Variants in ALPK1 observed in about 807,000 individuals in gnomAD.
ALPK1 encodes alpha-protein kinase 1.
ALPK1 carries 110 observed loss-of-function variants against 120.6 expected under a neutral mutation model. The ratio of observed to expected loss-of-function variants is 0.91; its 90% CI spans 0.78 to 1.07. ALPK1 has a LOEUF of 1.07. Among genes scored for constraint, ALPK1 ranks in the 50% least tolerant of loss-of-function variants. The pLI is 0.00. For missense variants in ALPK1, 1,498 were observed against 1,483.9 expected, an observed-to-expected ratio of 1.01 and a Z score of -0.16; for synonymous variants, 582 against 560.3, an observed-to-expected ratio of 1.04 and a Z score of -0.55.
At chr4:112,313,695 C>G (rs1321545311) in intron 1 of ALPK1, among the ~76,000 whole-genome samples, 4 of 152,232 alleles carry the variant, frequency 2.6e-5, no homozygotes, top group Non-Finnish European at 5.9e-5. Context: ...TGCACTCCAG[C>G]CTGGGTGACA....
Position 112,411,969 on chromosome 4 carries a change from C to G in ALPK1, c.419C>G (p.Ala140Gly). 1 of 1,614,184 alleles carries G rather than the reference C, an allele frequency of 6.2e-7. No homozygotes were observed. The highest frequency in any genetic ancestry group is 8.5e-7 in the Non-Finnish European group (1 of 1,180,026). ...VAKGLHKLQP[A>G]TPIAPQVVIR... Reference sequence around the variant, plus strand: ...AAAGGTCTCCACAAGTTGCAGCCAGCCACGCCAATTGCCCCGCAGGTGGTT... The same window carrying G: ...AAAGGTCTCCACAAGTTGCAGCCAGGCACGCCAATTGCCCCGCAGGTGGTT... The change falls in exon 5 of 16, where the codon GCC becomes GGC. Residue 140 changes from alanine to glycine, a missense_variant. Transcript: ENST00000650871.
At chr4:112,347,538 A>T (rs1173167269) in intron 2 of ALPK1, among the ~76,000 whole-genome samples, 5 of 152,248 alleles carry the variant, frequency 3.3e-5, no homozygotes, top group Non-Finnish European at 7.3e-5. Context: ...CCTAAATTTA[A>T]GTAAACTCAT....
chr4:112,330,787 G>C (rs907179553), intron 2 of ALPK1, among the ~76,000 whole-genome samples: 1 of 152,150 alleles, frequency 6.6e-6, no homozygotes, highest in Non-Finnish European at 1.5e-5. Flanking sequence ...TGGTATGACC[G>C]ATCGATGAAT....
intron 2 of ALPK1, among the ~76,000 whole-genome samples, chr4:112,363,206 A>C (rs1023192098): frequency 6.6e-6 from 1 of 152,248 alleles, no homozygotes; most frequent in Non-Finnish European, 1.5e-5. Flanking sequence ...TCAGGTAACA[A>C]ATAGCATGAT....
At chr4:112,358,471 G>A in intron 2 of ALPK1, 1 of 666,386 alleles carries the variant, frequency 1.5e-6, no homozygotes, top group Non-Finnish European at 2.7e-6. Context: ...GTCTCGACCT[G>A]CACGTCCTTA....
chr4:112,348,660 A>G (rs1560647359), intron 2 of ALPK1, among the ~76,000 whole-genome samples: 1 of 152,184 alleles, frequency 6.6e-6, no homozygotes, highest in African/African-American at 2.4e-5. Context: ...ACTTGAGGAC[A>G]TGCAAGTCCT....
At chr4:112,317,858 C>A (rs1728704647) in intron 2 of ALPK1, among the ~76,000 whole-genome samples, 1 of 152,092 alleles carries the variant, frequency 6.6e-6, no homozygotes, top group Admixed American at 6.6e-5. Flanking sequence ...TATACCATTA[C>A]AAAATAAATG....
intron 2 of ALPK1, among the ~76,000 whole-genome samples, chr4:112,335,440 T>C (rs1450448167): frequency 6.6e-6 from 1 of 152,028 alleles, no homozygotes; most frequent in East Asian, 1.9e-4. Flanking sequence ...TGTGGGAGGA[T>C]GGTTGGATTC....
At chr4:112,433,298 A>G (rs1056981359) in intron 11 of ALPK1, among the ~76,000 whole-genome samples, 22 of 152,192 alleles carry the variant, frequency 1.4e-4, no homozygotes, top group Admixed American at 1.3e-3. Context: ...TGGTTCATTG[A>G]CAGCGCCTTT....
At chr4:112,351,566 C>T (rs557416096) in intron 2 of ALPK1, among the ~76,000 whole-genome samples, 3 of 152,058 alleles carry the variant, frequency 2.0e-5, no homozygotes, top group South Asian at 2.1e-4. Flanking sequence ...CTCTGCCTCC[C>T]GGGTCCAAGC....
chr4:112,392,639 A>T (rs1361655076), intron 4 of ALPK1, among the ~76,000 whole-genome samples: 1 of 152,022 alleles, frequency 6.6e-6, no homozygotes, highest in East Asian at 1.9e-4. Flanking sequence ...CCAACCTCCC[A>T]CTTCAGCCTC....
intron 2 of ALPK1, among the ~76,000 whole-genome samples, chr4:112,365,035 T>C (rs911508291): frequency 4.6e-5 from 7 of 151,902 alleles, no homozygotes; most frequent in African/African-American, 1.7e-4. Flanking sequence ...CTCAGCAAAA[T>C]CAGTATAGAA....
intron 1 of ALPK1, among the ~76,000 whole-genome samples, chr4:112,311,142 A>C (rs985597290): frequency 6.6e-6 from 1 of 152,214 alleles, no homozygotes; most frequent in Non-Finnish European, 1.5e-5. Context: ...TGTGGTTGGG[A>C]TCCACCATGA....
At chr4:112,418,772 A>G (rs1733860661) in intron 5 of ALPK1, among the ~76,000 whole-genome samples, 1 of 152,170 alleles carries the variant, frequency 6.6e-6, no homozygotes, top group Non-Finnish European at 1.5e-5. Context: ...CATAGGAGGG[A>G]ACTTTCTTAA....
chr4:112,431,492 T>C lies in ALPK1; in HGVS notation c.1945T>C (p.Ser649Pro), dbSNP rs1232664578. Residue 649 changes from serine to proline, a missense_variant, in exon 11 of 16, where the codon TCT becomes CCT. Physicochemically the swap from Ser to Pro is moderately conservative, Grantham distance 74. Coordinates refer to ENST00000650871, the MANE Select transcript of ALPK1 (RefSeq NM_025144.4). ...HSLHSQLHDL[S>P]LQEPNNDNLE... The stretch of plus-strand genomic sequence containing the variant: ...ATTGCATTCACAGCTTCATGATCTC[T>C]CTCTTCAGGAACCCAACAATGACAA... 1.2e-6 allele frequency: 2 copies of C among 1,614,034 alleles called. No individual in the cohort carries two copies. Among genetic ancestry groups the C allele is most frequent in the East Asian group, 2.2e-5 (1 of 44,892 alleles).
chr4:112,396,232 A>G (rs1732645059), intron 4 of ALPK1, among the ~76,000 whole-genome samples: 1 of 152,210 alleles, frequency 6.6e-6, no homozygotes, highest in African/African-American at 2.4e-5. Flanking sequence ...TCATCACAGA[A>G]CAGGCTGACA....
intron 4 of ALPK1, among the ~76,000 whole-genome samples, chr4:112,393,458 C>T (rs188413145): frequency 6.6e-6 from 1 of 151,970 alleles, no homozygotes; most frequent in Non-Finnish European, 1.5e-5. Flanking sequence ...AATACTAATC[C>T]TCAACAAGAA....
At chr4:112,419,890 CT>C (rs2148755013) in intron 5 of ALPK1, among the ~76,000 whole-genome samples, 1 of 152,276 alleles carries the variant, frequency 6.6e-6, no homozygotes, top group African/African-American at 2.4e-5. Context: ...CAATAGAGTG[CT>C]TAGATATAAT....
At chr4:112,373,062 A>T (rs1276374338) in intron 2 of ALPK1, among the ~76,000 whole-genome samples, 6 of 152,230 alleles carry the variant, frequency 3.9e-5, no homozygotes, top group Non-Finnish European at 8.8e-5. Context: ...CTTGAAGAAA[A>T]ATGAGTCTCC....
Sources: allele counts gnomAD v4.1 joint callset (sites outside exome capture counted in the v4.1 genomes callset), GRCh38; gene constraint gnomAD v4.1.1; transcripts MANE v1.5; gene names NCBI Gene and HGNC (gene_info 2026-07-23, HGNC 2026-07-21).